PLA2G5: variants seen among roughly 807,000 people sequenced by gnomAD.
PLA2G5 encodes Ca2+-dependent phospholipase A2.
Under a neutral mutation model 15.9 loss-of-function variants are expected in PLA2G5, and 12 were observed. The observed-to-expected ratio is 0.76, with a 90% confidence interval of 0.48 to 1.23. PLA2G5 has a LOEUF of 1.23. Among genes scored for constraint, PLA2G5 ranks in the 50% most tolerant of loss-of-function variants. PLA2G5 has a pLI of 0.00. For missense variants in PLA2G5, 169 were observed against 177.1 expected (o/e 0.95, Z 0.26); for synonymous variants, 71 against 71.4 (o/e 0.99, Z 0.03).
chr1:20,060,247 CTTT>C lies in PLA2G5; in HGVS notation n.337+577_337+579del, dbSNP rs71585739. ...CTATTTACTGACTTTCTTTTTTCTT[CTTT>C]TTTTTTTTTTTTTTTTTTTTTGAGA... is the stretch of plus-strand genomic sequence containing the variant. On this transcript the variant is annotated intron_variant and non_coding_transcript_variant, in intron 2 of 6. Transcript: ENST00000460175. Among the ~76,000 whole-genome samples, 553 of 83,640 alleles carry C rather than the reference CTTT, an allele frequency of 6.6e-3. 1 individual carries two copies. The highest frequency in any genetic ancestry group is 0.01 in the Middle Eastern group (1 of 98). 54.9% of individuals were successfully genotyped at this position (83,640 alleles called of 152,430 possible).
intron 1 of PLA2G5, among the ~76,000 whole-genome samples, chr1:20,041,667 A>G (rs554633295): frequency 2.9e-4 from 44 of 152,340 alleles, no homozygotes; most frequent in African/African-American, 9.1e-4. Flanking sequence ...AGTGGCTTAT[A>G]ACCTACATGG....
intron 1 of PLA2G5, among the ~76,000 whole-genome samples, chr1:20,045,715 G>T (rs2013867148): frequency 6.6e-6 from 1 of 152,184 alleles, no homozygotes; most frequent in African/African-American, 2.4e-5. Flanking sequence ...TTCTCATGGA[G>T]CAAACAGCAG....
Position 20,077,670 on chromosome 1 carries a change from C to T in PLA2G5, c.-10-7151C>T, listed in dbSNP as rs1049262228. Among the ~76,000 whole-genome samples the T allele has an allele frequency of 1.1e-4, 16 of 152,282 alleles. No homozygotes were observed. In the East Asian group the frequency reaches 2.3e-3, roughly 22 times the overall value. ...CTGACTTATCTCATCGAATTATCAG[C>T]GTTACTAAGTGAGTCTGGTTCTATG... On this transcript the variant is annotated intron_variant, in intron 1 of 4. Coordinates refer to ENST00000375108, the MANE Select transcript of PLA2G5 (RefSeq NM_000929.3).
At chr1:20,031,514 A>C (rs1362167690) in intron 1 of PLA2G5, among the ~76,000 whole-genome samples, 1 of 152,192 alleles carries the variant, frequency 6.6e-6, no homozygotes, top group Non-Finnish European at 1.5e-5. Context: ...GGGAAGGAAT[A>C]ACAGGAAAGA....
intron 1 of PLA2G5, chr1:20,054,649 T>C (rs1462998692): frequency 1.3e-5 from 2 of 152,220 alleles, no homozygotes; most frequent in African/African-American, 4.8e-5. Context: ...TCTTTCATTT[T>C]TACAGTCCTC....
rs1474722829 is a variant in PLA2G5, at chr1:20,090,700, C to T, written c.*8C>T. ...AACATCCTCTGCTCCTAGGCCTCCC[C>T]AGCGAGCTCCTCCCAGACCAAGACT... On this transcript the variant is annotated 3_prime_UTR_variant, in exon 5 of 5. Coordinates refer to ENST00000375108, the MANE Select transcript of PLA2G5 (RefSeq NM_000929.3). The T allele has an allele frequency of 6.2e-7, 1 of 1,614,024 alleles. No individual in the cohort carries two copies. The highest frequency in any genetic ancestry group is 8.5e-7 in the Non-Finnish European group (1 of 1,179,864).
chr1:20,068,291 A>T (rs2015156559), upstream of PLA2G5, among the ~76,000 whole-genome samples: 1 of 152,190 alleles, frequency 6.6e-6, no homozygotes. Flanking sequence ...AAAGGATTAA[A>T]GCCCTAAGTG....
intron 1 of PLA2G5, among the ~76,000 whole-genome samples, chr1:20,048,849 T>C (rs923347880): frequency 6.6e-6 from 1 of 152,216 alleles, no homozygotes; most frequent in African/African-American, 2.4e-5. Flanking sequence ...TGAATACTTG[T>C]AGACAAATGT....
upstream of PLA2G5, among the ~76,000 whole-genome samples, chr1:20,067,215 C>T (rs578213090): frequency 7.0e-4 from 107 of 152,176 alleles, no homozygotes; most frequent in Admixed American, 1.4e-3. Context: ...GGCTAGTCTC[C>T]GAGTCCTGGG....
intron 3 of PLA2G5, among the ~76,000 whole-genome samples, chr1:20,089,282 TGTGG>T (rs199916186): frequency 0.032 from 4,895 of 152,300 alleles, 264 homozygotes; most frequent in African/African-American, 0.11. Flanking sequence ...GATCCACAGA[TGTGG>T]GACCTGTGAT....
At position 20,091,834 on chromosome 1, in the gene PLA2G5, A is replaced by G. The variant is rs1569853940; in HGVS notation, c.*1142A>G. 6.6e-6 allele frequency among the ~76,000 whole-genome samples: 1 copy of G among 152,214 alleles called. No individual in the cohort carries two copies. Among genetic ancestry groups the G allele is most frequent in the Non-Finnish European group, 1.5e-5 (1 of 68,044 alleles). Reference sequence around the variant, plus strand: ...CGACATACCCCAAAATAACTGCATGATAAATAGGTCTATATTTAAAAAGCT... The same window carrying G: ...CGACATACCCCAAAATAACTGCATGGTAAATAGGTCTATATTTAAAAAGCT... On this transcript the variant is annotated 3_prime_UTR_variant, in exon 5 of 5. Coordinates refer to ENST00000375108, the MANE Select transcript of PLA2G5 (RefSeq NM_000929.3).
intron 1 of PLA2G5, among the ~76,000 whole-genome samples, chr1:20,058,441 T>C (rs2014546107): frequency 6.6e-6 from 1 of 152,258 alleles, no homozygotes; most frequent in Non-Finnish European, 1.5e-5. Context: ...TTAACATAGC[T>C]ACTCCAGCTT....
At position 20,086,242 on chromosome 1, in the gene PLA2G5, A is replaced by T. The variant is rs748761176; in HGVS notation, c.185+15A>T. The T allele has an allele frequency of 6.2e-7, 1 of 1,613,704 alleles. No homozygotes were observed. The highest frequency in any genetic ancestry group is 1.1e-5 in the South Asian group (1 of 91,060). The stretch of plus-strand genomic sequence containing the variant: ...GGCACCGATTGGTGAGCTGATCGCT[A>T]TAACTGCCCTTTAGGCTCCAGGCTC... On this transcript the variant is annotated intron_variant, in intron 3 of 4. Transcript: ENST00000375108.
chr1:20,089,849 C>G lies in PLA2G5; in HGVS notation c.246C>G (p.Arg82=). ...GRLEEKGCNI[R]TQSYKYRFAW... The stretch of plus-strand genomic sequence containing the variant: ...TGGAGGAGAAGGGCTGCAACATTCG[C>G]ACACAGTCCTACAAATACAGATTCG... Residue 82 remains arginine, a synonymous_variant, in exon 4 of 5, where the codon CGC becomes CGG. Coordinates refer to ENST00000375108, the MANE Select transcript of PLA2G5 (RefSeq NM_000929.3). 1 of 1,614,134 alleles carries G rather than the reference C, an allele frequency of 6.2e-7. No homozygotes were observed. The highest frequency in any genetic ancestry group is 8.5e-7 in the Non-Finnish European group (1 of 1,179,984).
chr1:20,041,898 C>A (rs1216685188), intron 1 of PLA2G5, among the ~76,000 whole-genome samples: 3 of 152,144 alleles, frequency 2.0e-5, no homozygotes, highest in African/African-American at 7.2e-5. Context: ...TCAGCATAAG[C>A]ATTGGCCTGA....
In PLA2G5 at chr1:20,032,777, C is replaced by A. The variant is rs542778580; in HGVS notation, n.276+4068C>A. Among the ~76,000 whole-genome samples the A allele has an allele frequency of 7.9e-5, 12 of 152,274 alleles. 1 individual carries two copies. In the South Asian group the frequency reaches 2.5e-3, roughly 32 times the overall value. Reference sequence around the variant, plus strand: ...CCTGGATGAGTGAGGTTTGTTCTTCCTGGGTATATACAGGATGTATGTTGG... The same window carrying A: ...CCTGGATGAGTGAGGTTTGTTCTTCATGGGTATATACAGGATGTATGTTGG... On this transcript the variant is annotated intron_variant and non_coding_transcript_variant, in intron 1 of 6. Coordinates refer to the PLA2G5 transcript ENST00000460175.
At chr1:20,089,424 G>A (rs2016454225) in intron 3 of PLA2G5, among the ~76,000 whole-genome samples, 1 of 152,196 alleles carries the variant, frequency 6.6e-6, no homozygotes, top group Admixed American at 6.5e-5. Context: ...TCCAGCCGAA[G>A]GATGGCGGCA....
At chr1:20,053,613 A>G (rs1251096379) in intron 1 of PLA2G5, among the ~76,000 whole-genome samples, 1 of 151,142 alleles carries the variant, frequency 6.6e-6, no homozygotes, top group Non-Finnish European at 1.5e-5. Flanking sequence ...GTGAAAAAAG[A>G]TGAAAGTCAT....
chr1:20,053,595 T>C (rs2014288967), intron 1 of PLA2G5, among the ~76,000 whole-genome samples: 1 of 146,284 alleles, frequency 6.8e-6, no homozygotes. Context: ...TATGCAAAAC[T>C]TTCCCTTGTG....
Sources: allele counts gnomAD v4.1 joint callset (sites outside exome capture counted in the v4.1 genomes callset), GRCh38; gene constraint gnomAD v4.1.1; transcripts MANE v1.5; gene names NCBI Gene and HGNC (gene_info 2026-07-23, HGNC 2026-07-21).